The following RAB31 variants were observed in gnomAD, a reference collection of about 807,000 sequenced individuals.
The protein encoded by RAB31 is ras-related protein Rab-31.
RAB31 carries 21 observed loss-of-function variants against 25.6 expected under a neutral mutation model. The ratio of observed to expected loss-of-function variants is 0.82; its 90% CI spans 0.58 to 1.18. The LOEUF (loss-of-function observed/expected upper bound fraction) is 1.18, where lower values mean the gene tolerates loss of function less well. RAB31 is among the 50% of genes most tolerant of loss of function. The probability of loss-of-function intolerance (pLI) is 0.00; values close to 1 mark genes in which losing one functional copy is unlikely to be tolerated. For synonymous variants in RAB31, 87 were observed against 84.0 expected, an observed-to-expected ratio of 1.04 and a Z score of -0.20; for missense variants, 196 against 250.1, an observed-to-expected ratio of 0.78 and a Z score of 1.46.
chr18:9,732,375 G>A (rs2068127804), intron 1 of RAB31, among the ~76,000 whole-genome samples: 1 of 152,216 alleles, frequency 6.6e-6, no homozygotes, highest in Non-Finnish European at 1.5e-5. Context: ...ACTGCAGCAG[G>A]GCAGGGCTGT....
chr18:9,783,022 G>A (rs138095291), intron 2 of RAB31, among the ~76,000 whole-genome samples: 9 of 152,254 alleles, frequency 5.9e-5, no homozygotes, highest in Non-Finnish European at 1.0e-4. Flanking sequence ...AATGATTGTC[G>A]TGGTCCTCAT....
chr18:9,736,343 C>T (rs553183648), intron 1 of RAB31, among the ~76,000 whole-genome samples: 2 of 152,272 alleles, frequency 1.3e-5, no homozygotes, highest in East Asian at 3.9e-4. Context: ...AATTGCGCTG[C>T]CCACTTTTGC....
intron 5 of RAB31, among the ~76,000 whole-genome samples, chr18:9,817,560 A>G (rs2068605170): frequency 6.6e-6 from 1 of 152,116 alleles, no homozygotes; most frequent in African/African-American, 2.4e-5. Flanking sequence ...TGTGTGGCCA[A>G]GAGGGGATTG....
At chr18:9,831,017 G>T (rs145113091) in intron 5 of RAB31, among the ~76,000 whole-genome samples, 1 of 152,194 alleles carries the variant, frequency 6.6e-6, no homozygotes, top group African/African-American at 2.4e-5. Flanking sequence ...TTCTTGGGCC[G>T]TCTCTTCTGT....
intron 6 of RAB31, among the ~76,000 whole-genome samples, chr18:9,854,428 T>C (rs986558869): frequency 2.0e-5 from 3 of 152,136 alleles, no homozygotes; most frequent in Admixed American, 2.0e-4. Context: ...GTCTCTGTCT[T>C]GACTCTCCCG....
chr18:9,806,769 G>A (rs553644075), intron 3 of RAB31, among the ~76,000 whole-genome samples: 497 of 152,328 alleles, frequency 3.3e-3, no homozygotes, highest in Non-Finnish European at 5.7e-3. Context: ...GGGTAGGAAT[G>A]GAGCGGGAGG....
intron 3 of RAB31, among the ~76,000 whole-genome samples, 160 bp from the exon 4 acceptor site, chr18:9,813,856 AAAAT>A (rs1324403558): frequency 1.3e-5 from 2 of 152,178 alleles, no homozygotes; most frequent in African/African-American, 4.8e-5. Flanking sequence ...CCATCTCAAA[AAAAT>A]AAAATAAAAT....
intron 1 of RAB31, among the ~76,000 whole-genome samples, chr18:9,759,085 T>C (rs1199789276): frequency 6.6e-6 from 1 of 152,020 alleles, no homozygotes; most frequent in African/African-American, 2.4e-5. Flanking sequence ...AGGGCTGCCT[T>C]GGGAATAGAC....
intron 6 of RAB31, among the ~76,000 whole-genome samples, chr18:9,847,513 T>C (rs1599065806): frequency 6.6e-6 from 1 of 152,236 alleles, no homozygotes; most frequent in South Asian, 2.1e-4. Flanking sequence ...TTGTTAAAAT[T>C]TAAAAATATC....
chr18:9,831,431 C>T (rs537798457), intron 5 of RAB31, among the ~76,000 whole-genome samples: 6 of 152,226 alleles, frequency 3.9e-5, no homozygotes, highest in Admixed American at 2.0e-4. Context: ...GCCCTATAGT[C>T]GGCCTGACTC....
At chr18:9,736,904 C>G (rs1175617871) in intron 1 of RAB31, among the ~76,000 whole-genome samples, 1 of 152,128 alleles carries the variant, frequency 6.6e-6, no homozygotes, top group Non-Finnish European at 1.5e-5. Flanking sequence ...TGAGTGTTTT[C>G]AGATGTTATT....
At chr18:9,746,278 G>A (rs2068205311) in intron 1 of RAB31, among the ~76,000 whole-genome samples, 1 of 152,130 alleles carries the variant, frequency 6.6e-6, no homozygotes, top group African/African-American at 2.4e-5. Context: ...GAAGACATAA[G>A]TAAATTGAAA....
intron 1 of RAB31, among the ~76,000 whole-genome samples, chr18:9,731,203 C>T (rs952473390): frequency 1.3e-5 from 2 of 152,176 alleles, no homozygotes; most frequent in African/African-American, 4.8e-5. Flanking sequence ...CCTTAGCTTC[C>T]CGAGTAGTTG....
intron 1 of RAB31, among the ~76,000 whole-genome samples, chr18:9,735,995 C>T (rs1413103336): frequency 6.6e-6 from 1 of 152,070 alleles, no homozygotes; most frequent in Non-Finnish European, 1.5e-5. Flanking sequence ...CACCACCAAG[C>T]CTGGCTAATT....
chr18:9,708,538 C>G lies in RAB31; in HGVS notation c.39+94C>G. The G allele has an allele frequency of 1.8e-6, 2 of 1,137,238 alleles. No homozygotes were observed. Among genetic ancestry groups the G allele is most frequent in the Non-Finnish European group, 2.4e-6 (2 of 837,738 alleles). The allele number at this position is 1,137,238 out of a possible 1,614,324, so 70.4% of individuals were successfully genotyped here. A position where few individuals can be genotyped will look rare whatever the true frequency, so the allele number is the denominator to read the frequency against. ...CCTGCGCGCTCAGTCCCCGTGATCC[C>G]CTCGCTCTCCGCACCCCTCTCGTAG... On this transcript the variant is annotated intron_variant, in intron 1 of 6. Transcript: ENST00000578921. This position sits in a 1 kb window ranked among gnomAD's most constrained non-coding sequence, Gnocchi z 6.4.
intron 3 of RAB31, among the ~76,000 whole-genome samples, chr18:9,809,555 G>A (rs769706374): frequency 1.2e-4 from 19 of 152,028 alleles, no homozygotes; most frequent in Non-Finnish European, 2.2e-4. Flanking sequence ...CCACCTCCAC[G>A]TGGCCTGGTG....
intron 1 of RAB31, among the ~76,000 whole-genome samples, chr18:9,756,154 G>C (rs1465133107): frequency 2.6e-5 from 4 of 152,188 alleles, no homozygotes; most frequent in Non-Finnish European, 4.4e-5. Flanking sequence ...TAGGGAGTTA[G>C]GGTTTTCTCA....
At chr18:9,775,389 T>C in intron 2 of RAB31, 32 bp downstream of exon 2, 1 of 1,612,790 alleles carries the variant, frequency 6.2e-7, no homozygotes, top group Non-Finnish European at 8.5e-7. Flanking sequence ...TCCTTCGCGT[T>C]GCTTCCTTTC....
intron 3 of RAB31, among the ~76,000 whole-genome samples, chr18:9,798,871 C>T (rs4798862): frequency 0.22 from 34,139 of 151,956 alleles, 3,996 homozygotes; most frequent in South Asian, 0.35. Flanking sequence ...GGGCAGATCA[C>T]GAGGTCAGGA....
Sources: allele counts gnomAD v4.1 joint callset (sites outside exome capture counted in the v4.1 genomes callset), GRCh38; gene constraint gnomAD v4.1.1; non-coding constraint Gnocchi (gnomAD v3.1); transcripts MANE v1.5; gene names NCBI Gene and HGNC (gene_info 2026-07-23, HGNC 2026-07-21).